The following LDLRAD4 variants were observed in gnomAD, a reference collection of about 807,000 sequenced individuals.
The protein encoded by LDLRAD4 is low density lipoprotein receptor class A domain containing 4.
Under a neutral mutation model 17.0 loss-of-function variants are expected in LDLRAD4, and 5 were observed. The observed-to-expected ratio is 0.29, with a 90% CI of 0.15 to 0.62. LDLRAD4 has a LOEUF of 0.62. LDLRAD4 is among the 20% of genes least tolerant of loss of function. LDLRAD4 has a pLI of 0.84. For synonymous variants in LDLRAD4, 168 were observed against 171.8 expected (o/e 0.98, Z 0.17); for missense variants, 340 against 424.7 (o/e 0.80, Z 1.75).
chr18:13,585,446 C>T (rs916187753), intron 3 of LDLRAD4: 1 of 152,088 alleles, frequency 6.6e-6, no homozygotes, highest in African/African-American at 2.4e-5. Context: ...GATTAGCAGC[C>T]TGCTCAGGTG....
intron 1 of LDLRAD4, among the ~76,000 whole-genome samples, chr18:13,272,653 A>G (rs953467366): frequency 6.6e-6 from 1 of 152,216 alleles, no homozygotes; most frequent in Non-Finnish European, 1.5e-5. Flanking sequence ...CAGCTTTGTT[A>G]GGACACAGGC....
chr18:13,468,121 GA>G (rs147657075), intron 3 of LDLRAD4, among the ~76,000 whole-genome samples: 39 of 149,452 alleles, frequency 2.6e-4, no homozygotes, highest in Middle Eastern at 3.4e-3. Flanking sequence ...AACAACAAAA[GA>G]AAAAAAAACA....
At chr18:13,552,092 C>T (rs1248535349) in intron 3 of LDLRAD4, among the ~76,000 whole-genome samples, 3 of 152,222 alleles carry the variant, frequency 2.0e-5, no homozygotes, top group Admixed American at 2.0e-4. Flanking sequence ...CTAGGCCCCA[C>T]TTCCAACACA....
chr18:13,645,305 A>C lies in LDLRAD4; in HGVS notation c.569A>C (p.Gln190Pro), dbSNP rs757320079. The change falls in exon 6 of 6, where the codon CAG becomes CCG. Residue 190 changes from glutamine (Q) to proline (P), a missense_variant. Transcript: ENST00000359446. The surrounding 1 kb of genome is among the most constrained non-coding windows in gnomAD (Gnocchi z 5.7). Reference sequence around the variant, plus strand: ...CCTTACCAGGGGCCCTGCACCCTGCAGCTCCGGGACCCTGAACAGCAGATG... The same window carrying C: ...CCTTACCAGGGGCCCTGCACCCTGCCGCTCCGGGACCCTGAACAGCAGATG... 2.5e-6 allele frequency: 4 copies of C among 1,614,186 alleles called. No homozygotes were observed. The Admixed American group carries it at 6.7e-5, about 27-fold the overall frequency.
At chr18:13,576,086 T>C (rs758510571) in intron 3 of LDLRAD4, among the ~76,000 whole-genome samples, 6 of 152,224 alleles carry the variant, frequency 3.9e-5, no homozygotes, top group South Asian at 2.1e-4. Context: ...AGCAAGTCTT[T>C]GGGGAGGATA....
chr18:13,388,525 A>G (rs1198971255), intron 2 of LDLRAD4, among the ~76,000 whole-genome samples: 1 of 148,962 alleles, frequency 6.7e-6, no homozygotes, highest in African/African-American at 2.5e-5. Context: ...CTTTCATTTA[A>G]GAGAAAGATG....
At chr18:13,567,522 C>T (rs1294890803) in intron 3 of LDLRAD4, among the ~76,000 whole-genome samples, 1 of 152,116 alleles carries the variant, frequency 6.6e-6, no homozygotes, top group Non-Finnish European at 1.5e-5. Flanking sequence ...AATTAAACAC[C>T]CTCAAGCTGT....
chr18:13,288,384 T>C (rs1312514717), intron 1 of LDLRAD4, among the ~76,000 whole-genome samples: 3 of 152,210 alleles, frequency 2.0e-5, no homozygotes, highest in African/African-American at 7.2e-5. Flanking sequence ...AGTTTAGCTA[T>C]CCATATTAGA....
chr18:13,551,439 C>T (rs1329034150), intron 3 of LDLRAD4, among the ~76,000 whole-genome samples: 3 of 152,200 alleles, frequency 2.0e-5, no homozygotes, highest in Non-Finnish European at 2.9e-5. Context: ...AGAGTGAATC[C>T]TGCCAGGCTG....
At chr18:13,336,100 C>T (rs1483541010) in intron 1 of LDLRAD4, among the ~76,000 whole-genome samples, 1 of 152,112 alleles carries the variant, frequency 6.6e-6, no homozygotes, top group Non-Finnish European at 1.5e-5. Context: ...CAAGAGAGTG[C>T]AGGGAGGTGC....
intron 3 of LDLRAD4, among the ~76,000 whole-genome samples, chr18:13,610,605 A>T (rs1157501278): frequency 1.3e-5 from 2 of 152,088 alleles, no homozygotes; most frequent in African/African-American, 2.4e-5. Context: ...CCTAATTTTA[A>T]GAAACAGACA....
chr18:13,518,346 T>A (rs1285779160), intron 3 of LDLRAD4, among the ~76,000 whole-genome samples: 1 of 152,244 alleles, frequency 6.6e-6, no homozygotes, highest in East Asian at 1.9e-4. Flanking sequence ...AGTAGGTTTG[T>A]GTTTCTTGTA....
intron 3 of LDLRAD4, among the ~76,000 whole-genome samples, chr18:13,567,752 T>TAA (rs3833176): frequency 0.27 from 41,056 of 150,014 alleles, 6,130 homozygotes; most frequent in East Asian, 0.47. Flanking sequence ...CTTTTTTTGT[T>TAA]AAAAAAAAAA....
chr18:13,277,775 T>C (rs1036063594), upstream of LDLRAD4, among the ~76,000 whole-genome samples: 1 of 152,204 alleles, frequency 6.6e-6, no homozygotes, highest in Non-Finnish European at 1.5e-5. Flanking sequence ...CCAACAGGGA[T>C]ACTATCTGTT....
intron 3 of LDLRAD4, among the ~76,000 whole-genome samples, chr18:13,467,014 A>G (rs1319253690): frequency 6.6e-6 from 1 of 152,214 alleles, no homozygotes; most frequent in Non-Finnish European, 1.5e-5. Context: ...CATTCAGTCT[A>G]TAGCAGGGTA....
At chr18:13,506,250 T>C (rs2093691696) in intron 3 of LDLRAD4, among the ~76,000 whole-genome samples, 1 of 151,994 alleles carries the variant, frequency 6.6e-6, no homozygotes. Context: ...CTTTAAGTTC[T>C]AGGGTACATG....
At chr18:13,318,077 G>A (rs915576420) in intron 1 of LDLRAD4, among the ~76,000 whole-genome samples, 1 of 151,986 alleles carries the variant, frequency 6.6e-6, no homozygotes, top group Non-Finnish European at 1.5e-5. Flanking sequence ...CCGGTCCCTC[G>A]CTTCCTGTCC....
intron 1 of LDLRAD4, among the ~76,000 whole-genome samples, chr18:13,244,298 C>T (rs1337576698): frequency 5.9e-5 from 9 of 151,448 alleles, no homozygotes; most frequent in Admixed American, 5.9e-4. Flanking sequence ...ATCTATTCAT[C>T]CATTCATGCA....
At chr18:13,303,787 A>G (rs1414331229) in intron 1 of LDLRAD4, among the ~76,000 whole-genome samples, 2 of 152,326 alleles carry the variant, frequency 1.3e-5, no homozygotes, top group African/African-American at 2.4e-5. Flanking sequence ...TGGGAAGCCC[A>G]TGCATCTTTC....
Sources: gnomAD v4.1 joint callset for allele counts (sites outside exome capture counted in the v4.1 genomes callset) on GRCh38, gnomAD v4.1.1 for gene constraint, Gnocchi (gnomAD v3.1) non-coding constraint, MANE v1.5 for transcripts, NCBI Gene and HGNC (gene_info 2026-07-23, HGNC 2026-07-21) for gene names.